SGCZ: variants seen among roughly 807,000 people sequenced by gnomAD.
SGCZ encodes the protein zeta-sarcoglycan.
SGCZ carries 40 observed loss-of-function variants against 41.3 expected under a neutral mutation model. The observed-to-expected ratio is 0.97, with a 90% CI of 0.75 to 1.26. The LOEUF is 1.26. SGCZ is among the 50% of genes most tolerant of loss of function. The probability of loss-of-function intolerance (pLI) is 0.00; values close to 1 mark genes in which losing one functional copy is unlikely to be tolerated. For synonymous variants in SGCZ, 206 were observed against 137.5 expected (o/e 1.50, Z -3.49); for missense variants, 552 against 369.8 (o/e 1.49, Z -4.04).
intron 1 of SGCZ, among the ~76,000 whole-genome samples, chr8:14,802,569 T>C (rs1255673576): frequency 6.6e-6 from 1 of 152,244 alleles, no homozygotes; most frequent in East Asian, 1.9e-4. Flanking sequence ...TTTTTATGAA[T>C]AAGATGGTCT....
chr8:14,397,528 G>C (rs1798953224), intron 2 of SGCZ, among the ~76,000 whole-genome samples: 1 of 152,014 alleles, frequency 6.6e-6, no homozygotes, highest in African/African-American at 2.4e-5. Flanking sequence ...GTAACTCCCT[G>C]TTCCACTGTA....
intron 3 of SGCZ, among the ~76,000 whole-genome samples, chr8:14,238,417 C>T (rs1806845698): frequency 6.6e-6 from 1 of 152,136 alleles, no homozygotes; most frequent in Admixed American, 6.5e-5. Context: ...CATGGAAATG[C>T]TCTGTAAATC....
intron 4 of SGCZ, among the ~76,000 whole-genome samples, chr8:14,223,435 A>C (rs1806270278): frequency 6.6e-6 from 1 of 152,154 alleles, no homozygotes; most frequent in African/African-American, 2.4e-5. Context: ...ATTATTTTTC[A>C]ATATATATTT....
chr8:15,078,661 A>T (rs17120874), intron 1 of SGCZ, among the ~76,000 whole-genome samples: 7,619 of 152,006 alleles, frequency 0.05, 612 homozygotes, highest in African/African-American at 0.17. Flanking sequence ...TCTTAGCTCT[A>T]TCATAGGTTA....
At chr8:14,289,163 G>C (rs1800753130) in intron 3 of SGCZ, among the ~76,000 whole-genome samples, 1 of 150,574 alleles carries the variant, frequency 6.6e-6, no homozygotes, top group Admixed American at 6.6e-5. Flanking sequence ...TAATTATTTT[G>C]GATGTTAGAG....
intron 1 of SGCZ, among the ~76,000 whole-genome samples, chr8:14,836,055 G>A (rs929936574): frequency 6.6e-6 from 1 of 151,792 alleles, no homozygotes; most frequent in Non-Finnish European, 1.5e-5. Context: ...TTCCCTTTAG[G>A]CCCTCTACCT....
At chr8:14,565,519 T>A (rs1265739804) in intron 1 of SGCZ, among the ~76,000 whole-genome samples, 1 of 151,984 alleles carries the variant, frequency 6.6e-6, no homozygotes, top group Non-Finnish European at 1.5e-5. Context: ...ACGGGCACCA[T>A]TTACACTAAA....
intron 1 of SGCZ, among the ~76,000 whole-genome samples, chr8:14,736,259 C>A (rs1291378689): frequency 6.6e-6 from 1 of 152,094 alleles, no homozygotes; most frequent in Non-Finnish European, 1.5e-5. Flanking sequence ...TTAGAGCCAA[C>A]ACAGCACCAG....
rs574989193 is a variant in SGCZ, at chr8:14,689,009, A to T, written c.40-134083T>A. On this transcript the variant is annotated intron_variant, in intron 1 of 7. Transcript: ENST00000382080. ...GCCAAATCATGAAAAAAATATATTT[A>T]AAAAAAATTTTAAAGCAAGCACAGT... Among the ~76,000 whole-genome samples the T allele has an allele frequency of 3.4e-3, 523 of 152,136 alleles. 1 individual carries two copies. The highest frequency in any genetic ancestry group is 4.7e-3 in the Non-Finnish European group (320 of 67,970).
At chr8:14,565,451 AG>A (rs1488364967) in intron 1 of SGCZ, among the ~76,000 whole-genome samples, 3 of 152,142 alleles carry the variant, frequency 2.0e-5, no homozygotes, top group Non-Finnish European at 2.9e-5. Flanking sequence ...AGCCCAAGGT[AG>A]TCTTTTTCCT....
chr8:14,342,774 A>T (rs1802755568), intron 2 of SGCZ, among the ~76,000 whole-genome samples: 2 of 152,234 alleles, frequency 1.3e-5, no homozygotes, highest in African/African-American at 4.8e-5. Context: ...GAAAAATTCA[A>T]GCCGGCTGCA....
At chr8:14,095,208 T>C (rs780988855) in intron 7 of SGCZ, among the ~76,000 whole-genome samples, 3 of 152,202 alleles carry the variant, frequency 2.0e-5, no homozygotes, top group Non-Finnish European at 4.4e-5. Flanking sequence ...CCCGTGCCTA[T>C]GTCAAGAATG....
rs550134745 is a variant in SGCZ at position 14,384,254 on chromosome 8, T to A, written c.235-60050A>T. Reference sequence around the variant, plus strand: ...CCTTGCGATAGTTTGCTGAGAATGATGGTTTCCAGCTTCATCCATGTCCCT... The same window carrying A: ...CCTTGCGATAGTTTGCTGAGAATGAAGGTTTCCAGCTTCATCCATGTCCCT... On this transcript the variant is annotated intron_variant, in intron 2 of 7. Transcript: ENST00000382080. Among the ~76,000 whole-genome samples the A allele has an allele frequency of 3.0e-3, 452 of 152,214 alleles. 1 individual carries two copies. Among genetic ancestry groups the A allele is most frequent in the Non-Finnish European group, 5.0e-3 (342 of 68,006 alleles).
At chr8:14,341,512 G>C (rs866081355) in intron 2 of SGCZ, among the ~76,000 whole-genome samples, 4 of 151,998 alleles carry the variant, frequency 2.6e-5, no homozygotes, top group Non-Finnish European at 5.9e-5. Flanking sequence ...AGCTAGCTAG[G>C]TTTGAAGTGA....
At chr8:14,765,799 A>C (rs73531166) in intron 1 of SGCZ, among the ~76,000 whole-genome samples, 17,341 of 152,186 alleles carry the variant, frequency 0.11, 1,483 homozygotes, top group African/African-American at 0.23. Flanking sequence ...CACAGTAAAA[A>C]TCCCAACTAT....
At chr8:14,760,329 T>C (rs931873466) in intron 1 of SGCZ, among the ~76,000 whole-genome samples, 2 of 152,194 alleles carry the variant, frequency 1.3e-5, no homozygotes, top group African/African-American at 4.8e-5. Flanking sequence ...ATGCTATCAG[T>C]TAACAATCCG....
rs577152862 is a variant in SGCZ at position 14,807,850 on chromosome 8, C to T, written c.40-252924G>A. On this transcript the variant is annotated intron_variant, in intron 1 of 7. Coordinates refer to ENST00000382080, the MANE Select transcript of SGCZ (RefSeq NM_139167.4). ...AAACTGTACTACAAGGCTACAGTAA[C>T]CAAAACAGCATGATACTGGTACCAA... Among the ~76,000 whole-genome samples the T allele has an allele frequency of 2.0e-5, 3 of 152,264 alleles. No homozygotes were observed. The East Asian group carries it at 5.8e-4, about 29-fold the overall frequency.
At chr8:14,238,013 C>T (rs545471103) in intron 3 of SGCZ, among the ~76,000 whole-genome samples, 13 of 152,312 alleles carry the variant, frequency 8.5e-5, no homozygotes, top group South Asian at 2.1e-4. Context: ...ATATTCCAGA[C>T]GCTATCCCAA....
At chr8:14,743,331 T>C (rs1180439445) in intron 1 of SGCZ, among the ~76,000 whole-genome samples, 1 of 152,092 alleles carries the variant, frequency 6.6e-6, no homozygotes, top group Non-Finnish European at 1.5e-5. Flanking sequence ...GAAAACTATA[T>C]TTACAAATAA....
Sources: allele counts gnomAD v4.1 joint callset (sites outside exome capture counted in the v4.1 genomes callset), GRCh38; gene constraint gnomAD v4.1.1; transcripts MANE v1.5; gene names NCBI Gene and HGNC (gene_info 2026-07-23, HGNC 2026-07-21).